Variants in RAB3A observed in about 807,000 individuals in gnomAD.
RAB3A encodes ras-related protein Rab-3A.
Under a neutral mutation model 19.7 loss-of-function variants are expected in RAB3A, and 5 were observed. The observed-to-expected ratio is 0.25, with a 90% CI of 0.13 to 0.53. RAB3A has a LOEUF of 0.53. RAB3A is among the 20% of genes least tolerant of loss of function. The probability of loss-of-function intolerance (pLI) is 0.95; values close to 1 mark genes in which losing one functional copy is unlikely to be tolerated. For synonymous variants in RAB3A, 119 were observed against 122.1 expected, an observed-to-expected ratio of 0.97 and a Z score of 0.17; for missense variants, 189 against 305.6, an observed-to-expected ratio of 0.62 and a Z score of 2.85.
Position 18,200,352 on chromosome 19 carries a change from C to T in RAB3A, c.322G>A (p.Glu108Lys). 1.2e-6 allele frequency: 2 copies of T among 1,613,646 alleles called. No homozygotes were observed. Among genetic ancestry groups the T allele is most frequent in the Non-Finnish European group, 1.7e-6 (2 of 1,179,658 alleles). Residue 108 changes from glutamate to lysine, a missense_variant, in exon 3 of 5, where the codon GAA becomes AAA. By Grantham distance (56) the Glu-to-Lys change is moderately conservative (BLOSUM62 1). Transcript: ENST00000222256. ...FILMYDITNE[E>K]SFNAVQDWST... ...CAGTCCTGCACTGCATTGAAGGATT[C>T]CTCGTTGGTGATGTCATACATGAGG...
chr19:18,197,521 G>T lies in RAB3A; in HGVS notation c.612C>A (p.Gly204=). 2 of 1,613,410 alleles carry T rather than the reference G, an allele frequency of 1.2e-6. No individual in the cohort carries two copies. Among genetic ancestry groups the T allele is most frequent in the South Asian group, 1.1e-5 (1 of 91,046 alleles). ...ADPAVTGAKQ[G]PQLSDQQVPP... ...GCACCTGCTGGTCACTGAGCTGTGG[G>T]CCCTGCTTGGCGCCTGTGACCGCAG... Residue 204 remains glycine (G), a synonymous_variant, in exon 5 of 5, where the codon GGC becomes GGA. Coordinates refer to ENST00000222256, the MANE Select transcript of RAB3A (RefSeq NM_002866.5).
chr19:18,200,496 A>G (rs1446917927), intron 2 of RAB3A, 51 bp from the exon 3 acceptor site: 1 of 1,439,978 alleles, frequency 6.9e-7, no homozygotes, highest in South Asian at 1.2e-5. Context: ...AAGGCCCTCG[A>G]AGAGGAAATG....
intron 2 of RAB3A, among the ~76,000 whole-genome samples, chr19:18,201,811 T>C (rs749207587): frequency 2.6e-5 from 4 of 152,034 alleles, no homozygotes; most frequent in Admixed American, 6.6e-5. Context: ...AATTTAACTG[T>C]AGGTTTAAAA....
rs1040463564 is a variant in RAB3A, at chr19:18,202,893, C to T, written c.1-153G>A. The T allele has an allele frequency of 6.8e-5, 42 of 618,854 alleles. No homozygotes were observed. The highest frequency in any genetic ancestry group is 1.1e-4 in the Non-Finnish European group (40 of 350,908). 38.3% of individuals were successfully genotyped at this position (618,854 alleles called of 1,614,324 possible). ...GGAGCCCCAGTATTAATTGGTGGTG[C>T]CCCCAGCAGAGGGCAGCCTGTGACC... On this transcript the variant is annotated intron_variant, in intron 1 of 4. Coordinates refer to ENST00000222256, the MANE Select transcript of RAB3A (RefSeq NM_002866.5). The surrounding 1 kb of genome is among the most constrained non-coding windows in gnomAD (Gnocchi z 4.2).
rs868490188 is a variant in RAB3A at position 18,197,181 on chromosome 19, G to A, written c.*289C>T. ...TGAATTTTAAAAAAAGGCGGGGGGG[G>A]GGGGTTCAGGAGGGTGAGCGGTGAG... On this transcript the variant is annotated 3_prime_UTR_variant, in exon 5 of 5. Coordinates refer to ENST00000222256, the MANE Select transcript of RAB3A (RefSeq NM_002866.5). The A allele has an allele frequency of 5.4e-4, 205 of 377,058 alleles. 1 individual carries two copies. Among genetic ancestry groups the A allele is most frequent in the Non-Finnish European group, 7.5e-4 (159 of 211,142 alleles). The allele number at this position is 377,058 out of a possible 1,614,324, so 23.4% of individuals were successfully genotyped here. A position where few individuals can be genotyped will look rare whatever the true frequency, so the allele number is the denominator to read the frequency against.
chr19:18,201,402 C>T (rs1385371783), intron 2 of RAB3A, among the ~76,000 whole-genome samples: 4 of 151,070 alleles, frequency 2.6e-5, no homozygotes, highest in Admixed American at 2.0e-4. Context: ...GCCAACATGG[C>T]GAAACCCTAT....
chr19:18,199,228 C>T (rs1429106978), intron 3 of RAB3A, among the ~76,000 whole-genome samples: 1 of 152,034 alleles, frequency 6.6e-6, no homozygotes, highest in African/African-American at 2.4e-5. Flanking sequence ...GCGATCTAGG[C>T]TCACTGCAAT....
At chr19:18,200,925 A>T (rs1390335275) in intron 2 of RAB3A, among the ~76,000 whole-genome samples, 1 of 142,440 alleles carries the variant, frequency 7.0e-6, no homozygotes, top group Non-Finnish European at 1.5e-5. Flanking sequence ...ACAGAGTGAA[A>T]CCCTGTCTCA....
At chr19:18,203,001 C>A (rs1413189518) in intron 1 of RAB3A, 6 of 469,700 alleles carry the variant, frequency 1.3e-5, no homozygotes, top group Non-Finnish European at 2.3e-5. Flanking sequence ...GGGGCAGGTG[C>A]CCCAGGTGGG....
At chr19:18,199,464 T>C (rs1294843721) in intron 3 of RAB3A, among the ~76,000 whole-genome samples, 2 of 151,380 alleles carry the variant, frequency 1.3e-5, no homozygotes, top group African/African-American at 4.9e-5. Context: ...CCAGAAATTT[T>C]TTTTTAAAGT....
rs1031542352 is a variant in RAB3A at position 18,196,823 on chromosome 19, G to A, written c.*647C>T. The A allele has an allele frequency of 4.3e-5, 12 of 277,352 alleles. No homozygotes were observed. Among genetic ancestry groups the A allele is most frequent in the Non-Finnish European group, 7.7e-5 (11 of 142,528 alleles). The allele number at this position is 277,352 out of a possible 1,614,324, so 17.2% of individuals were successfully genotyped here. ...ATGGATGGTCCATTCGCTTTATTGG[G>A]TGCGTGTAGTGTTGTCATGACATCT... On this transcript the variant is annotated 3_prime_UTR_variant, in exon 5 of 5. Transcript: ENST00000222256.
chr19:18,202,979 AGCC>A lies in RAB3A; in HGVS notation c.1-242_1-240del. 2.0e-6 allele frequency: 1 copy of A among 496,004 alleles called. No individual in the cohort carries two copies. The highest frequency in any genetic ancestry group is 5.4e-4 in the Middle Eastern group (1 of 1,838). 30.7% of individuals were successfully genotyped at this position (496,004 alleles called of 1,614,324 possible). A position where few individuals can be genotyped will look rare whatever the true frequency, so the allele number is the denominator to read the frequency against. On this transcript the variant is annotated intron_variant, in intron 1 of 4. Coordinates refer to ENST00000222256, the MANE Select transcript of RAB3A (RefSeq NM_002866.5). This position sits in a 1 kb window ranked among gnomAD's most constrained non-coding sequence, Gnocchi z 4.2. ...GGGTTGCCGATGGGGACACCCCAGC[AGCC>A]CCCTTCAAGGGGCAGGTGCCCCAGG... is the stretch of plus-strand genomic sequence containing the variant.
rs1967629264 is a variant in RAB3A at position 18,202,707 on chromosome 19, T to C, written c.34A>G (p.Lys12Glu). The change falls in exon 2 of 5, where the codon AAG (lysine) becomes GAG (glutamate). Residue 12 changes from lysine (K) to glutamate (E), a missense_variant. Lys to Glu is a moderately conservative substitution (Grantham distance 56, BLOSUM62 1). Coordinates refer to ENST00000222256, the MANE Select transcript of RAB3A (RefSeq NM_002866.5). The surrounding 1 kb of genome is among the most constrained non-coding windows in gnomAD (Gnocchi z 4.2). The part of the protein sequence containing the change: ...ASATDSRYGQ[K>E]ESSDQNFDYM... ...TCGAAGTTCTGATCCGAGGACTCCTTCTGCCCATAGCGCGAGTCTGTGGCG... is the reference window on the plus strand; with the variant it reads ...TCGAAGTTCTGATCCGAGGACTCCTCCTGCCCATAGCGCGAGTCTGTGGCG... 1 of 1,614,012 alleles carries C rather than the reference T, an allele frequency of 6.2e-7. No homozygotes were observed. Among genetic ancestry groups the C allele is most frequent in the Admixed American group, 1.7e-5 (1 of 59,998 alleles).
At chr19:18,199,617 G>A (rs755408333) in intron 3 of RAB3A, among the ~76,000 whole-genome samples, 5 of 151,042 alleles carry the variant, frequency 3.3e-5, no homozygotes, top group African/African-American at 9.8e-5. Flanking sequence ...TCCACCTCCC[G>A]GGTTCGAGCG....
rs927320521 is a variant in RAB3A, at chr19:18,200,379, T to A, written c.295A>T (p.Ile99Phe). ...TCGTTGGTGATGTCATACATGAGGA[T>A]GAAGCCCATAGCGCCCCGGTAGTAT... The part of the protein sequence containing the change: ...TAYYRGAMGF[I>F]LMYDITNEES... The change falls in exon 3 of 5, where the codon ATC becomes TTC. Residue 99 changes from isoleucine to phenylalanine, a missense_variant. Coordinates refer to ENST00000222256, the MANE Select transcript of RAB3A (RefSeq NM_002866.5). The A allele has an allele frequency of 3.1e-6, 5 of 1,614,118 alleles. No homozygotes were observed. Among genetic ancestry groups the A allele is most frequent in the Non-Finnish European group, 4.2e-6 (5 of 1,180,010 alleles).
At chr19:18,201,104 ATG>A in intron 2 of RAB3A, among the ~76,000 whole-genome samples, 1 of 148,066 alleles carries the variant, frequency 6.8e-6, no homozygotes, top group East Asian at 2.0e-4. Flanking sequence ...GCGTGGTGGC[ATG>A]CACCTGTAAT....
intron 3 of RAB3A, 91 bp from the exon 4 acceptor site, chr19:18,198,940 G>A (rs974240340): frequency 3.4e-6 from 5 of 1,490,122 alleles, no homozygotes; most frequent in Middle Eastern, 1.9e-4. Context: ...CCTTGTCCGA[G>A]GAAGAAAGAC....
At chr19:18,199,889 G>A (rs953700504) in intron 3 of RAB3A, among the ~76,000 whole-genome samples, 5 of 152,086 alleles carry the variant, frequency 3.3e-5, no homozygotes, top group Non-Finnish European at 7.4e-5. Flanking sequence ...TTTCTATATG[G>A]TTATAGTTTT....
At chr19:18,203,071 C>T (rs563908048) in intron 1 of RAB3A, among the ~76,000 whole-genome samples, 1 of 152,304 alleles carries the variant, frequency 6.6e-6, no homozygotes, top group South Asian at 2.1e-4. Context: ...GCTCCGCCCC[C>T]CATCAATCTT....
Sources: allele counts gnomAD v4.1 joint callset (sites outside exome capture counted in the v4.1 genomes callset), GRCh38; gene constraint gnomAD v4.1.1; non-coding constraint Gnocchi (gnomAD v3.1); transcripts MANE v1.5; gene names NCBI Gene and HGNC (gene_info 2026-07-23, HGNC 2026-07-21).